TRIP12: variants seen among roughly 807,000 people sequenced by gnomAD.
TRIP12 encodes thyroid hormone receptor interactor 12, also known as E3 ubiquitin-protein ligase TRIP12.
In TRIP12, 25 loss-of-function variants were observed where a neutral mutation model predicts 244.2. That is an observed-to-expected ratio of 0.10 (90% CI 0.07 to 0.14). TRIP12 has a LOEUF of 0.14. Ranked by LOEUF, TRIP12 falls within the 10% of genes least tolerant of loss-of-function variation. The probability of loss-of-function intolerance (pLI) is 1.00; values close to 1 mark genes in which losing one functional copy is unlikely to be tolerated. For synonymous variants in TRIP12, 905 were observed against 873.1 expected (o/e 1.04, Z -0.64); for missense variants, 1,677 against 2,486.4 (o/e 0.67, Z 6.92).
chr2:229,794,194 T>C (rs1409520902), intron 26 of TRIP12, among the ~76,000 whole-genome samples: 1 of 152,184 alleles, frequency 6.6e-6, no homozygotes, highest in East Asian at 1.9e-4. Context: ...CATGATGTGA[T>C]TGCTTTATCA....
Position 229,860,584 on chromosome 2 carries a change from C to T in TRIP12, c.99-53G>A, listed in dbSNP as rs1156810114. The T allele has an allele frequency of 4.8e-6, 7 of 1,470,436 alleles. No individual in the cohort carries two copies. The African/African-American group carries it at 8.5e-5, about 18-fold the overall frequency. 91.1% of individuals were successfully genotyped at this position (1,470,436 alleles called of 1,614,324 possible). On this transcript the variant is annotated intron_variant, in intron 2 of 41. Transcript: ENST00000675903. ...CTATCAGGAAACTGAGATGCAAATACAATACTGAAAATGAAATATTTTTAT... is the reference window on the plus strand; with the variant it reads ...CTATCAGGAAACTGAGATGCAAATATAATACTGAAAATGAAATATTTTTAT...
At chr2:229,859,837 A>C (rs1017412347) in intron 3 of TRIP12, among the ~76,000 whole-genome samples, 2 of 152,220 alleles carry the variant, frequency 1.3e-5, no homozygotes, top group African/African-American at 4.8e-5. Flanking sequence ...TAATCACAAA[A>C]CAAGAATTAA....
rs182752828 is a variant in TRIP12 at position 229,783,846 on chromosome 2, C to T, written c.5094+1911G>A. Among the ~76,000 whole-genome samples, 1,465 of 149,940 alleles carry T rather than the reference C, an allele frequency of 9.8e-3. 11 individuals are homozygous for T. The highest frequency in any genetic ancestry group is 0.015 in the Non-Finnish European group (1,027 of 67,656). On this transcript the variant is annotated intron_variant, in intron 34 of 41. Transcript: ENST00000675903. Reference sequence around the variant, plus strand: ...AAAAAAAAGGCCAGGCACGGTGGCTCATGCCTGTAATCCCAGCACTTTGGG... The same window carrying T: ...AAAAAAAAGGCCAGGCACGGTGGCTTATGCCTGTAATCCCAGCACTTTGGG...
At chr2:229,830,924 C>T (rs937871170) in intron 6 of TRIP12, 85 bp from the exon 7 acceptor site, 12 of 1,203,734 alleles carry the variant, frequency 1.0e-5, no homozygotes, top group Middle Eastern at 1.9e-4. Flanking sequence ...CAAAGTTTTG[C>T]GGACTACAAT....
rs2062606798 is a variant in TRIP12, at chr2:229,871,541, C to CAG, written c.98+8440_98+8441insCT. Reference sequence around the variant, plus strand: ...CCCCTCCCCACCCCTTGCTCCCACTCTTGCCATGTGGTATGCTGGCTTTGC... The same window carrying CAG: ...CCCCTCCCCACCCCTTGCTCCCACTCAGTTGCCATGTGGTATGCTGGCTTTGC... On this transcript the variant is annotated intron_variant, in intron 2 of 41. Coordinates refer to ENST00000675903, the MANE Select transcript of TRIP12 (RefSeq NM_001348323.3). Among the ~76,000 whole-genome samples, 4 of 152,266 alleles carry CAG rather than the reference C, an allele frequency of 2.6e-5. No individual in the cohort carries two copies. The South Asian group carries it at 6.2e-4, about 24-fold the overall frequency.
intron 1 of TRIP12, among the ~76,000 whole-genome samples, chr2:229,891,403 C>T (rs891158475): frequency 1.3e-5 from 2 of 151,472 alleles, no homozygotes; most frequent in African/African-American, 2.4e-5. Context: ...CTAACCTGGG[C>T]GACAGAGCGA....
intron 7 of TRIP12, among the ~76,000 whole-genome samples, chr2:229,830,268 G>A (rs2052983355): frequency 6.6e-6 from 1 of 152,162 alleles, no homozygotes; most frequent in Non-Finnish European, 1.5e-5. Flanking sequence ...ACCCATTTAT[G>A]CTGCAGGTTG....
intron 8 of TRIP12, among the ~76,000 whole-genome samples, chr2:229,824,651 A>T (rs903232799): frequency 3.9e-5 from 6 of 152,238 alleles, no homozygotes; most frequent in Non-Finnish European, 8.8e-5. Context: ...AGCTATGAAG[A>T]GTGAACACGA....
At position 229,814,313 on chromosome 2, in the gene TRIP12, G is replaced by C; in HGVS notation, c.1744C>G (p.Gln582Glu). Reference sequence around the variant, plus strand: ...GCCTGCTCTGCCACATCAATACACTGAATAACTTGCAGCTGGGAACATATA... The same window carrying C: ...GCCTGCTCTGCCACATCAATACACTCAATAACTTGCAGCTGGGAACATATA... ...PVFLEKLQVIQCIDVAEQALT... is the reference protein window; with the variant it reads ...PVFLEKLQVIECIDVAEQALT... The change falls in exon 12 of 42, where the codon CAG becomes GAG. Residue 582 changes from glutamine (Q) to glutamate (E), a missense_variant. By Grantham distance (29) the Gln-to-Glu change is conservative. This residue lies in a region of TRIP12 where 572 missense variants were observed against 867.8 expected (regional missense o/e 0.66). Coordinates refer to ENST00000675903, the MANE Select transcript of TRIP12 (RefSeq NM_001348323.3). 1 of 1,613,814 alleles carries C rather than the reference G, an allele frequency of 6.2e-7. No individual in the cohort carries two copies. Among genetic ancestry groups the C allele is most frequent in the East Asian group, 2.2e-5 (1 of 44,864 alleles).
intron 5 of TRIP12, among the ~76,000 whole-genome samples, chr2:229,837,791 T>C (rs958841129): frequency 2.6e-5 from 4 of 152,170 alleles, no homozygotes; most frequent in African/African-American, 7.2e-5. Flanking sequence ...GATTTAATAT[T>C]ATTAATAAAT....
At chr2:229,858,193 A>G (rs1328740157) in intron 4 of TRIP12, among the ~76,000 whole-genome samples, 4 of 152,004 alleles carry the variant, frequency 2.6e-5, no homozygotes, top group Non-Finnish European at 4.4e-5. Flanking sequence ...GTGAAACCCC[A>G]TCTCTACTAA....
chr2:229,831,593 T>C (rs2154299322), intron 6 of TRIP12, among the ~76,000 whole-genome samples: 1 of 152,320 alleles, frequency 6.6e-6, no homozygotes, highest in East Asian at 1.9e-4. Context: ...ATCGTGCCAC[T>C]GCACTCCAGC....
chr2:229,800,357 G>GT (rs2043959635), intron 21 of TRIP12, among the ~76,000 whole-genome samples: 1 of 152,068 alleles, frequency 6.6e-6, no homozygotes, highest in Non-Finnish European at 1.5e-5. Flanking sequence ...GAAATAGTTT[G>GT]TAACAGCAAT....
At position 229,872,104 on chromosome 2, in the gene TRIP12, TAAA is replaced by T. The variant is rs34496202; in HGVS notation, c.98+7875_98+7877del. Among the ~76,000 whole-genome samples the T allele has an allele frequency of 8.3e-4, 87 of 105,264 alleles. 1 individual carries two copies. The highest frequency in any genetic ancestry group is 0.013 in the Middle Eastern group (2 of 150). 69.1% of individuals were successfully genotyped at this position (105,264 alleles called of 152,430 possible). On this transcript the variant is annotated intron_variant, in intron 2 of 41. Coordinates refer to ENST00000675903, the MANE Select transcript of TRIP12 (RefSeq NM_001348323.3). ...AATATAGTTTTAATGACAGATATTG[TAAA>T]AAAAAAAAAAAAAAAAAAAAAAAAA...
intron 4 of TRIP12, among the ~76,000 whole-genome samples, chr2:229,857,150 T>C (rs1559896688): frequency 6.6e-6 from 1 of 152,306 alleles, no homozygotes; most frequent in East Asian, 1.9e-4. Flanking sequence ...GTAGACACTA[T>C]ATACAATCTT....
intron 1 of TRIP12, among the ~76,000 whole-genome samples, chr2:229,915,312 G>A (rs577911050): frequency 1.3e-5 from 2 of 152,202 alleles, no homozygotes; most frequent in East Asian, 3.9e-4. Context: ...GCACATAATG[G>A]TCAATTAAAG....
Position 229,767,487 on chromosome 2 carries a change from C to T in TRIP12, c.*67G>A. 4.0e-6 allele frequency: 6 copies of T among 1,512,024 alleles called. No homozygotes were observed. Among genetic ancestry groups the T allele is most frequent in the Non-Finnish European group, 5.3e-6 (6 of 1,128,688 alleles). The allele number at this position is 1,512,024 out of a possible 1,614,324, so 93.7% of individuals were successfully genotyped here. A position where few individuals can be genotyped will look rare whatever the true frequency, so the allele number is the denominator to read the frequency against. ...CATGTTTCCTTGACTCAGGTGATAA[C>T]ATTAGAAAAGAAATCATGATTTGTT... On this transcript the variant is annotated 3_prime_UTR_variant, in exon 42 of 42. Coordinates refer to ENST00000675903, the MANE Select transcript of TRIP12 (RefSeq NM_001348323.3).
At chr2:229,912,603 T>C (rs534211808) in intron 1 of TRIP12, among the ~76,000 whole-genome samples, 1 of 152,294 alleles carries the variant, frequency 6.6e-6, no homozygotes, top group South Asian at 2.1e-4. Flanking sequence ...CCCCTCTCTC[T>C]TCATAGTCTT....
rs2047104374 is a variant in TRIP12, at chr2:229,810,912, C to G, written c.2189G>C (p.Cys730Ser). The change falls in exon 15 of 42, where the codon TGT becomes TCT. Residue 730 changes from cysteine (C) to serine (S), a missense_variant. Cys to Ser is a moderately radical substitution (Grantham distance 112). Coordinates refer to ENST00000675903, the MANE Select transcript of TRIP12 (RefSeq NM_001348323.3). ...VRMFSLMCSN[C>S]PTLAVQLMKQ... Reference sequence around the variant, plus strand: ...CATAAGTTGAACAGCTAAAGTTGGACAGTTGGAACACATCAGAGAAAACAT... The same window carrying G: ...CATAAGTTGAACAGCTAAAGTTGGAGAGTTGGAACACATCAGAGAAAACAT... The G allele has an allele frequency of 2.5e-6, 4 of 1,613,814 alleles. No homozygotes were observed. The highest frequency in any genetic ancestry group is 1.6e-4 in the Middle Eastern group (1 of 6,082).
Sources: allele counts gnomAD v4.1 joint callset (sites outside exome capture counted in the v4.1 genomes callset), GRCh38; gene constraint gnomAD v4.1.1; regional missense constraint gnomAD v4.1.1; transcripts MANE v1.5; gene names NCBI Gene and HGNC (gene_info 2026-07-23, HGNC 2026-07-21).